CEP70: variants seen among roughly 807,000 people sequenced by gnomAD.
CEP70 encodes centrosomal protein 70, also known as centrosomal protein of 70 kDa.
Under a neutral mutation model 90.9 loss-of-function variants are expected in CEP70, and 70 were observed. The ratio of observed to expected loss-of-function variants is 0.77; its 90% CI spans 0.64 to 0.94. CEP70 has a LOEUF of 0.94. Among genes scored for constraint, CEP70 ranks in the 40% least tolerant of loss-of-function variants. The probability of loss-of-function intolerance (pLI) is 0.00; values close to 1 mark genes in which losing one functional copy is unlikely to be tolerated. For missense variants in CEP70, 648 were observed against 669.0 expected (o/e 0.97, Z 0.35); for synonymous variants, 220 against 228.3 (o/e 0.96, Z 0.33).
chr3:138,542,163 G>A (rs2038821994), intron 6 of CEP70, among the ~76,000 whole-genome samples: 1 of 152,204 alleles, frequency 6.6e-6, no homozygotes, highest in African/African-American at 2.4e-5. Flanking sequence ...TATGTGCACA[G>A]CCAGGCACAC....
At chr3:138,540,364 GCCTGTA>G (rs2038654992) in intron 6 of CEP70, among the ~76,000 whole-genome samples, 1 of 151,930 alleles carries the variant, frequency 6.6e-6, no homozygotes, top group African/African-American at 2.4e-5. Context: ...GGTGGCGCAT[GCCTGTA>G]GTCCCAGCTA....
In CEP70 at chr3:138,510,433, C is replaced by A. The variant is rs539297050; in HGVS notation, c.945-1889G>T. ...GGGTGACAGAGTGAGACTCCATCTC[C>A]AAAAAAAAAAAGAAATACTGTGTTA... On this transcript the variant is annotated intron_variant, in intron 11 of 17. Transcript: ENST00000264982. Among the ~76,000 whole-genome samples the A allele has an allele frequency of 2.0e-4, 28 of 142,494 alleles. No homozygotes were observed. The South Asian group carries it at 4.2e-3, about 21-fold the overall frequency. 93.5% of individuals were successfully genotyped at this position (142,494 alleles called of 152,430 possible).
At chr3:138,567,074 A>G (rs1265834364) in intron 6 of CEP70, among the ~76,000 whole-genome samples, 1 of 152,198 alleles carries the variant, frequency 6.6e-6, no homozygotes, top group Non-Finnish European at 1.5e-5. Context: ...GTGCAACTAC[A>G]TGGGTGAATC....
chr3:138,531,089 A>G (rs1166844722), intron 8 of CEP70, among the ~76,000 whole-genome samples: 3 of 152,176 alleles, frequency 2.0e-5, no homozygotes, highest in Non-Finnish European at 2.9e-5. Flanking sequence ...TGTATAGGCC[A>G]AAATACTTTA....
At position 138,494,477 on chromosome 3, in the gene CEP70, T is replaced by G. The variant is rs1174368036; in HGVS notation, c.*538A>C. 1 of 152,274 alleles carries G rather than the reference T, an allele frequency of 6.6e-6. No individual in the cohort carries two copies. Among genetic ancestry groups the G allele is most frequent in the Non-Finnish European group, 1.5e-5 (1 of 68,082 alleles). 9.4% of individuals were successfully genotyped at this position (152,274 alleles called of 1,614,324 possible). On this transcript the variant is annotated 3_prime_UTR_variant, in exon 18 of 18. Transcript: ENST00000264982. ...CATCCATTTTACCCTATGATTCATT[T>G]CCTACCCTAACAGAAATGATGAAAC...
chr3:138,578,054 A>T (rs2041648814), intron 2 of CEP70, among the ~76,000 whole-genome samples: 1 of 152,196 alleles, frequency 6.6e-6, no homozygotes, highest in African/African-American at 2.4e-5. Context: ...ATACATGGGG[A>T]TTGGTTTCAG....
intron 5 of CEP70, 77 bp from the exon 6 acceptor site, chr3:138,570,575 G>T: frequency 9.0e-7 from 1 of 1,109,500 alleles, no homozygotes; most frequent in Non-Finnish European, 1.3e-6. Flanking sequence ...ATATAAGAAT[G>T]TATTGCCTTT....
chr3:138,515,467 C>CAAAAAAAAAAAAAAAAAAAAAAAA (rs145902706), intron 11 of CEP70, among the ~76,000 whole-genome samples: 1 of 65,398 alleles, frequency 1.5e-5, no homozygotes, highest in East Asian at 5.8e-4. Context: ...CATAGAAATG[C>CAAAAAAAAAAAAAAAAAAAAAAAA]AAAAAAAAAA....
intron 11 of CEP70, among the ~76,000 whole-genome samples, chr3:138,523,209 T>A (rs1378320437): frequency 1.3e-5 from 2 of 152,202 alleles, no homozygotes; most frequent in Non-Finnish European, 2.9e-5. Context: ...AAATTAGGTA[T>A]TGATGGGACA....
intron 1 of CEP70, among the ~76,000 whole-genome samples, chr3:138,592,698 C>T (rs1361210835): frequency 1.3e-5 from 2 of 151,778 alleles, no homozygotes; most frequent in South Asian, 2.1e-4. Flanking sequence ...CTTTATAGGT[C>T]TGAAGCCCCT....
chr3:138,541,430 G>GAAAAAGAAAAAGA (rs1208638034), intron 6 of CEP70, among the ~76,000 whole-genome samples: 28 of 144,474 alleles, frequency 1.9e-4, no homozygotes, highest in African/African-American at 7.1e-4. Flanking sequence ...AAAAGAAAAA[G>GAAAAAGAAAAAGA]AAAAAAAAAA....
Position 138,519,096 on chromosome 3 carries a change from A to C in CEP70, c.944+6394T>G, listed in dbSNP as rs935915132. ...AAAGGGTATCAGTGATGGAAGATCA[A>C]ATGAATGAAATGAAGTGAGAAGAGA... On this transcript the variant is annotated intron_variant, in intron 11 of 17. Transcript: ENST00000264982. Among the ~76,000 whole-genome samples, 9 of 152,322 alleles carry C rather than the reference A, an allele frequency of 5.9e-5. 1 individual carries two copies. Among genetic ancestry groups the C allele is most frequent in the Admixed American group, 5.9e-4 (9 of 15,296 alleles).
rs891172835 is a variant in CEP70 at position 138,498,044 on chromosome 3, T to C, written c.1719A>G (p.Leu573=). 6.2e-6 allele frequency: 10 copies of C among 1,612,904 alleles called. No homozygotes were observed. Among genetic ancestry groups the C allele is most frequent in the Non-Finnish European group, 8.5e-6 (10 of 1,179,410 alleles). Residue 573 remains leucine (L), a synonymous_variant, in exon 17 of 18, where the codon CTA becomes CTG. Coordinates refer to ENST00000264982, the MANE Select transcript of CEP70 (RefSeq NM_024491.4). ...CAGAGATCTTACCTAAGATTTCAAG[T>C]AGATCATTAGTAAATGCCTGAAATG... ...FPAFQAFTND[L]LEILEIDDLD...
chr3:138,529,092 G>A lies in CEP70; in HGVS notation c.869+107C>T, dbSNP rs920210361. ...GAAGTGGAAAGATTGCTTGAGCCCT[G>A]GAGGTCAAGGCTGCGGTGAGACGTG... is the stretch of plus-strand genomic sequence containing the variant. On this transcript the variant is annotated intron_variant, in intron 10 of 17. Transcript: ENST00000264982. 26 of 629,952 alleles carry A rather than the reference G, an allele frequency of 4.1e-5. No individual in the cohort carries two copies. The African/African-American group carries it at 4.6e-4, about 11-fold the overall frequency. The allele number at this position is 629,952 out of a possible 1,614,324, so 39.0% of individuals were successfully genotyped here. A position where few individuals can be genotyped will look rare whatever the true frequency, so the allele number is the denominator to read the frequency against.
rs142800406 is a variant in CEP70, at chr3:138,569,729, G to A, written c.465+589C>T. Among the ~76,000 whole-genome samples the A allele has an allele frequency of 4.8e-3, 730 of 152,242 alleles. 4 individuals carry two copies. Among genetic ancestry groups the A allele is most frequent in the African/African-American group, 0.017 (701 of 41,540 alleles). Reference sequence around the variant, plus strand: ...TAAAAAATATAAAAATTAGCCAGGCGTGGTGGCATGCGCCTGTAGTCCCAG... The same window carrying A: ...TAAAAAATATAAAAATTAGCCAGGCATGGTGGCATGCGCCTGTAGTCCCAG... On this transcript the variant is annotated intron_variant, in intron 6 of 17. Coordinates refer to ENST00000264982, the MANE Select transcript of CEP70 (RefSeq NM_024491.4).
intron 17 of CEP70, 178 bp downstream of exon 17, chr3:138,497,853 T>A: frequency 1.0e-6 from 1 of 985,464 alleles, no homozygotes; most frequent in East Asian, 1.1e-4. Flanking sequence ...TCTGTGTTTC[T>A]GTTCTATGGA....
intron 6 of CEP70, among the ~76,000 whole-genome samples, chr3:138,564,961 C>T (rs909737564): frequency 1.2e-4 from 19 of 152,066 alleles, no homozygotes; most frequent in African/African-American, 4.4e-4. Flanking sequence ...TTGTCTCAGC[C>T]CAAAATCTCC....
chr3:138,538,649 C>T (rs1245819828), intron 6 of CEP70, among the ~76,000 whole-genome samples: 4 of 152,100 alleles, frequency 2.6e-5, no homozygotes, highest in Non-Finnish European at 5.9e-5. Flanking sequence ...ACCATGACCC[C>T]CACAGATGGA....
At chr3:138,571,785 T>C (rs1019431493) in intron 3 of CEP70, among the ~76,000 whole-genome samples, 12 of 152,150 alleles carry the variant, frequency 7.9e-5, no homozygotes, top group African/African-American at 2.9e-4. Flanking sequence ...ACTTTCTTTT[T>C]TCTTTCTTTT....
Sources: gnomAD v4.1 joint callset for allele counts (sites outside exome capture counted in the v4.1 genomes callset) on GRCh38, gnomAD v4.1.1 for gene constraint, MANE v1.5 for transcripts, NCBI Gene and HGNC (gene_info 2026-07-23, HGNC 2026-07-21) for gene names.